SYT16: variants seen among roughly 807,000 people sequenced by gnomAD.
The protein encoded by SYT16 is synaptotagmin-16.
SYT16 carries 42 observed loss-of-function variants against 61.4 expected under a neutral mutation model. That is an observed-to-expected ratio of 0.68 (90% CI 0.53 to 0.89). SYT16 has a LOEUF of 0.89. Ranked by LOEUF, SYT16 falls within the 40% of genes least tolerant of loss-of-function variation. The probability of loss-of-function intolerance (pLI) is 0.00; values close to 1 mark genes in which losing one functional copy is unlikely to be tolerated. For synonymous variants in SYT16, 314 were observed against 302.3 expected (o/e 1.04, Z -0.40); for missense variants, 804 against 807.3 (o/e 1.00, Z 0.05).
At chr14:61,920,658 G>A (rs1465865132) in intron 1 of SYT16, among the ~76,000 whole-genome samples, 1 of 152,080 alleles carries the variant, frequency 6.6e-6, no homozygotes, top group Non-Finnish European at 1.5e-5. Context: ...ACTTCCTCCT[G>A]ATTTCTCTCA....
chr14:61,971,924 C>A (rs543470278), intron 2 of SYT16, among the ~76,000 whole-genome samples: 1 of 152,174 alleles, frequency 6.6e-6, no homozygotes, highest in African/African-American at 2.4e-5. Context: ...GTGAGTGAGA[C>A]GAACAGATGT....
intron 3 of SYT16, among the ~76,000 whole-genome samples, chr14:62,013,764 G>A (rs1175819820): frequency 6.6e-6 from 1 of 152,140 alleles, no homozygotes; most frequent in African/African-American, 2.4e-5. Flanking sequence ...AGGTGTTCAA[G>A]ACCAGCCTGG....
intron 1 of SYT16, among the ~76,000 whole-genome samples, chr14:61,853,567 G>T (rs575860258): frequency 9.2e-5 from 14 of 152,298 alleles, no homozygotes; most frequent in African/African-American, 3.1e-4. Context: ...CAGGGAGAAG[G>T]TACCATCTAT....
intron 1 of SYT16, among the ~76,000 whole-genome samples, chr14:61,833,301 T>A (rs1455315534): frequency 6.6e-6 from 1 of 151,314 alleles, no homozygotes; most frequent in African/African-American, 2.4e-5. Context: ...TTTTCTTTTT[T>A]TTTTTTTTGA....
At chr14:62,092,914 G>GA (rs1184098938) in intron 7 of SYT16, among the ~76,000 whole-genome samples, 3 of 151,750 alleles carry the variant, frequency 2.0e-5, no homozygotes, top group Non-Finnish European at 4.4e-5. Context: ...TTTTAAAATT[G>GA]AAAAAAATAC....
intron 7 of SYT16, among the ~76,000 whole-genome samples, chr14:62,090,320 A>G (rs2057029317): frequency 6.6e-6 from 1 of 152,216 alleles, no homozygotes; most frequent in Non-Finnish European, 1.5e-5. Flanking sequence ...TACACCCCAA[A>G]TGATAATACT....
intron 1 of SYT16, among the ~76,000 whole-genome samples, chr14:61,936,083 A>ATAT (rs575187155): frequency 6.6e-6 from 1 of 151,996 alleles, no homozygotes; most frequent in Non-Finnish European, 1.5e-5. Flanking sequence ...ATAAGTTTAC[A>ATAT]TATTATTATA....
chr14:62,083,598 G>C (rs1271371476), intron 6 of SYT16, among the ~76,000 whole-genome samples: 1 of 152,164 alleles, frequency 6.6e-6, no homozygotes, highest in Admixed American at 6.5e-5. Flanking sequence ...TTCTCAAACA[G>C]TTGTAAACGT....
intron 1 of SYT16, among the ~76,000 whole-genome samples, chr14:61,873,759 A>G (rs926534485): frequency 6.6e-5 from 10 of 152,194 alleles, no homozygotes; most frequent in Admixed American, 4.6e-4. Flanking sequence ...CCATCATCAT[A>G]TAAAAAACAG....
At chr14:62,047,222 T>A (rs929849886) in intron 3 of SYT16, among the ~76,000 whole-genome samples, 1 of 152,220 alleles carries the variant, frequency 6.6e-6, no homozygotes, top group Admixed American at 6.5e-5. Flanking sequence ...AAGTATTTTA[T>A]TCTCTTTGAA....
chr14:61,985,724 A>G (rs1023523405), intron 2 of SYT16, among the ~76,000 whole-genome samples: 1 of 152,174 alleles, frequency 6.6e-6, no homozygotes, highest in Non-Finnish European at 1.5e-5. Context: ...ATTTTTTAGG[A>G]GGTTGACCTC....
At position 61,945,136 on chromosome 14, in the gene SYT16, G is replaced by T. The variant is rs900210025; in HGVS notation, c.-324-24996G>T. Among the ~76,000 whole-genome samples, 8 of 152,188 alleles carry T rather than the reference G, an allele frequency of 5.3e-5. No individual in the cohort carries two copies. In the South Asian group the frequency reaches 1.7e-3, roughly 32 times the overall value. On this transcript the variant is annotated intron_variant, in intron 1 of 7. Transcript: ENST00000683842. ...GTGGTCAGCAGACATATGAAAGAAA[G>T]CTCATCATCACTGGTCATTTGAGAA...
chr14:62,050,858 C>A (rs1430354806), intron 3 of SYT16, among the ~76,000 whole-genome samples: 1 of 152,110 alleles, frequency 6.6e-6, no homozygotes, highest in African/African-American at 2.4e-5. Context: ...AGTACCCAGC[C>A]ATGTGAGGTG....
At chr14:61,996,618 A>C in intron 3 of SYT16, 76 bp downstream of exon 3, 1 of 1,496,890 alleles carries the variant, frequency 6.7e-7, no homozygotes, top group Non-Finnish European at 8.9e-7. Context: ...ACTTGTTTTT[A>C]GTTATCATGT....
chr14:61,865,258 G>A, intron 1 of SYT16: 1 of 849,314 alleles, frequency 1.2e-6, no homozygotes, highest in East Asian at 2.5e-5. Context: ...CTAAGATGGA[G>A]GTGAGCATCT....
intron 3 of SYT16, among the ~76,000 whole-genome samples, chr14:62,038,226 C>G (rs116765023): frequency 0.011 from 1,635 of 150,180 alleles, 28 homozygotes; most frequent in African/African-American, 0.037. Flanking sequence ...GATTCTGAGG[C>G]CACACTCAGG....
Position 61,865,110 on chromosome 14 carries a change from A to G in SYT16, c.-325+52300A>G, listed in dbSNP as rs550470019. ...CCCACTGTGACTCATCTGCTGGACT[A>G]TGAAGCCTTCTGTGGCTCCTCAGCC... On this transcript the variant is annotated intron_variant, in intron 1 of 7. Transcript: ENST00000683842. 2.2e-5 allele frequency: 30 copies of G among 1,342,596 alleles called. No homozygotes were observed. In the Admixed American group the frequency reaches 2.4e-4, roughly 11 times the overall value. The allele number at this position is 1,342,596 out of a possible 1,614,324, so 83.2% of individuals were successfully genotyped here. A position where few individuals can be genotyped will look rare whatever the true frequency, so the allele number is the denominator to read the frequency against.
intron 3 of SYT16, among the ~76,000 whole-genome samples, chr14:62,035,152 GGTAGGTTCTTGT>G (rs2054459126): frequency 6.6e-6 from 1 of 152,160 alleles, no homozygotes; most frequent in African/African-American, 2.4e-5. Flanking sequence ...CAAGAGCTCT[GGTAGGTTCTTGT>G]ATGAAGGTTC....
At chr14:61,964,190 T>C (rs986757037) in intron 1 of SYT16, among the ~76,000 whole-genome samples, 4 of 152,176 alleles carry the variant, frequency 2.6e-5, no homozygotes, top group African/African-American at 9.7e-5. Context: ...AGAAATATGT[T>C]TTGCAAGGCT....
Sources: allele counts gnomAD v4.1 joint callset (sites outside exome capture counted in the v4.1 genomes callset), GRCh38; gene constraint gnomAD v4.1.1; transcripts MANE v1.5; gene names NCBI Gene and HGNC (gene_info 2026-07-23, HGNC 2026-07-21).